The following OTUD7A variants were observed in gnomAD, a reference collection of about 807,000 sequenced individuals.
OTUD7A encodes the protein OTU deubiquitinase 7A, also known as OTU domain-containing protein 7A.
Under a neutral mutation model 65.7 loss-of-function variants are expected in OTUD7A, and 12 were observed. That is an observed-to-expected ratio of 0.18 (90% CI 0.12 to 0.30). The LOEUF (loss-of-function observed/expected upper bound fraction) is 0.30, where lower values mean the gene tolerates loss of function less well. Among genes scored for constraint, OTUD7A ranks in the 10% least tolerant of loss-of-function variants. The pLI, the probability that OTUD7A is intolerant of heterozygous loss-of-function variation, is 1.00. For synonymous variants in OTUD7A, 641 were observed against 586.3 expected (o/e 1.09, Z -1.35); for missense variants, 1,148 against 1,304.8 (o/e 0.88, Z 1.85).
At chr15:31,794,190 T>C (rs1373421212) in intron 1 of OTUD7A, among the ~76,000 whole-genome samples, 1 of 152,230 alleles carries the variant, frequency 6.6e-6, no homozygotes, top group African/African-American at 2.4e-5. Context: ...TGGTTCTACC[T>C]TAACATGTAT....
intron 3 of OTUD7A, among the ~76,000 whole-genome samples, chr15:31,607,955 T>TA (rs1381611834): frequency 1.3e-5 from 2 of 152,196 alleles, no homozygotes; most frequent in African/African-American, 2.4e-5. Flanking sequence ...TGGTAGATGT[T>TA]AAAGAATTTT....
chr15:31,767,921 A>G lies in OTUD7A; in HGVS notation c.-100+102586T>C, dbSNP rs1269804628. The stretch of plus-strand genomic sequence containing the variant: ...TCTGAAGAGCTGGTTGTTATCATCA[A>G]CATTTTCTGATCCCCACCTCCCTTT... On this transcript the variant is annotated intron_variant, in intron 1 of 12. Transcript: ENST00000307050. 18 of 1,531,428 alleles carry G rather than the reference A, an allele frequency of 1.2e-5. 1 individual carries two copies. The highest frequency in any genetic ancestry group is 1.0e-4 in the Admixed American group (6 of 59,716). The allele number at this position is 1,531,428 out of a possible 1,614,324, so 94.9% of individuals were successfully genotyped here. A position where few individuals can be genotyped will look rare whatever the true frequency, so the allele number is the denominator to read the frequency against.
intron 1 of OTUD7A, among the ~76,000 whole-genome samples, chr15:31,658,378 G>A (rs903308688): frequency 2.6e-5 from 4 of 152,156 alleles, no homozygotes; most frequent in Non-Finnish European, 4.4e-5. Flanking sequence ...TACCTCTAGT[G>A]CCTTGGCTTG....
intron 10 of OTUD7A, among the ~76,000 whole-genome samples, chr15:31,493,459 TAACTGACAG>T (rs1456197520): frequency 6.6e-6 from 1 of 152,234 alleles, no homozygotes; most frequent in Non-Finnish European, 1.5e-5. Context: ...TTTTGCTCAG[TAACTGACAG>T]AGCAAGTAGG....
In OTUD7A at chr15:31,534,069, T is replaced by C. The variant is rs559161147; in HGVS notation, c.551-3261A>G. Among the ~76,000 whole-genome samples, 7 of 151,932 alleles carry C rather than the reference T, an allele frequency of 4.6e-5. No homozygotes were observed. In the South Asian group the frequency reaches 1.5e-3, roughly 32 times the overall value. Reference sequence around the variant, plus strand: ...TAACAACAACCAATATTACACAAGCTCCTCCAGAAAATAGCCAACATTACC... The same window carrying C: ...TAACAACAACCAATATTACACAAGCCCCTCCAGAAAATAGCCAACATTACC... On this transcript the variant is annotated intron_variant, in intron 5 of 12. Coordinates refer to ENST00000307050, the MANE Select transcript of OTUD7A (RefSeq NM_001382637.1).
At chr15:31,592,373 CTT>C (rs200024730) in intron 3 of OTUD7A, among the ~76,000 whole-genome samples, 1 of 141,922 alleles carries the variant, frequency 7.0e-6, no homozygotes, top group Non-Finnish European at 1.6e-5. Flanking sequence ...ATTCTATAAT[CTT>C]TTTTTAAAAA....
At chr15:31,511,021 G>GTATATCTATATGTAACATACA (rs2041704926) in intron 8 of OTUD7A, among the ~76,000 whole-genome samples, 1 of 39,276 alleles carries the variant, frequency 2.5e-5, no homozygotes, top group East Asian at 9.3e-4. Context: ...TAACATACAT[G>GTATATCTATATGTAACATACA]TATATCTATA....
intron 1 of OTUD7A, among the ~76,000 whole-genome samples, chr15:31,775,089 TACACACACACACACAC>T (rs3046535): frequency 1.4e-5 from 2 of 148,010 alleles, no homozygotes; most frequent in Non-Finnish European, 3.0e-5. Context: ...TCCATGCATT[TACACACACACACACAC>T]ACACACACAC....
At chr15:31,789,280 G>A (rs547698292) in intron 1 of OTUD7A, among the ~76,000 whole-genome samples, 30 of 152,296 alleles carry the variant, frequency 2.0e-4, no homozygotes, top group African/African-American at 7.2e-4. Context: ...TGTTCAATCA[G>A]ATGGGAATAT....
At chr15:31,605,560 T>G (rs1185198831) in intron 3 of OTUD7A, among the ~76,000 whole-genome samples, 2 of 152,236 alleles carry the variant, frequency 1.3e-5, no homozygotes, top group Admixed American at 1.3e-4. Flanking sequence ...CTTCCCTGGC[T>G]GTGAGGGGCT....
chr15:31,798,127 C>T (rs1311581722), intron 1 of OTUD7A, among the ~76,000 whole-genome samples: 1 of 152,100 alleles, frequency 6.6e-6, no homozygotes, highest in Admixed American at 6.5e-5. Context: ...ACATGATTAC[C>T]TCTTTAAAGA....
chr15:31,676,115 A>G (rs1455844184), intron 1 of OTUD7A, among the ~76,000 whole-genome samples: 2 of 152,244 alleles, frequency 1.3e-5, no homozygotes, highest in Non-Finnish European at 2.9e-5. Flanking sequence ...TATTGTGACT[A>G]AAGTGATGGA....
chr15:31,793,837 G>A (rs1171470670), intron 1 of OTUD7A, among the ~76,000 whole-genome samples: 1 of 152,184 alleles, frequency 6.6e-6, no homozygotes, highest in African/African-American at 2.4e-5. Flanking sequence ...GCTCTTCTTG[G>A]TTGCTGTTGA....
chr15:31,545,751 G>A (rs1233685570), intron 5 of OTUD7A, among the ~76,000 whole-genome samples: 1 of 152,062 alleles, frequency 6.6e-6, no homozygotes, highest in Non-Finnish European at 1.5e-5. Context: ...AAAACATGGA[G>A]CAACCAGAAC....
chr15:31,817,793 G>A (rs1031423068), intron 1 of OTUD7A, among the ~76,000 whole-genome samples: 7 of 152,204 alleles, frequency 4.6e-5, no homozygotes, highest in Admixed American at 2.0e-4. Flanking sequence ...CCAACCTGCT[G>A]CCCACCTGCC....
chr15:31,816,677 G>A (rs865957472), intron 1 of OTUD7A, among the ~76,000 whole-genome samples: 1 of 150,818 alleles, frequency 6.6e-6, no homozygotes, highest in Admixed American at 6.6e-5. Context: ...GACAGAGCGA[G>A]ACTCCGTCTC....
chr15:31,693,524 TCTG>T (rs1442671013), intron 1 of OTUD7A, among the ~76,000 whole-genome samples: 4 of 151,960 alleles, frequency 2.6e-5, no homozygotes, highest in Non-Finnish European at 5.9e-5. Context: ...AGACCTGTAT[TCTG>T]GCTCTGAAAT....
chr15:31,738,476 A>T (rs1894252570), intron 1 of OTUD7A, among the ~76,000 whole-genome samples: 1 of 152,202 alleles, frequency 6.6e-6, no homozygotes, highest in Non-Finnish European at 1.5e-5. Flanking sequence ...AGTTGCCTGC[A>T]TCCTCCTTGG....
At chr15:31,703,823 CA>C (rs2141330489) in intron 1 of OTUD7A, among the ~76,000 whole-genome samples, 1 of 151,340 alleles carries the variant, frequency 6.6e-6, no homozygotes, top group East Asian at 2.0e-4. Context: ...CCAGAACCCT[CA>C]AGGAGTGAAT....
Sources: gnomAD v4.1 joint callset for allele counts (sites outside exome capture counted in the v4.1 genomes callset) on GRCh38, gnomAD v4.1.1 for gene constraint, MANE v1.5 for transcripts, NCBI Gene and HGNC (gene_info 2026-07-23, HGNC 2026-07-21) for gene names.